The following LRRK1 variants were observed in gnomAD, a reference collection of about 807,000 sequenced individuals.
LRRK1 encodes the protein leucine rich repeat kinase 1.
A neutral mutation model predicts 209.1 loss-of-function variants in LRRK1; 113 were observed. That is an observed-to-expected ratio of 0.54 (90% CI 0.46 to 0.63). The LOEUF is 0.63. Ranked by LOEUF, LRRK1 falls within the 30% of genes least tolerant of loss-of-function variation. The pLI is 0.00. For synonymous variants in LRRK1, 1,144 were observed against 1,099.7 expected, an observed-to-expected ratio of 1.04 and a Z score of -0.80; for missense variants, 2,284 against 2,632.2, an observed-to-expected ratio of 0.87 and a Z score of 2.89.
At chr15:101,060,968 T>G (rs1311741929) in intron 29 of LRRK1, among the ~76,000 whole-genome samples, 3 of 152,182 alleles carry the variant, frequency 2.0e-5, no homozygotes, top group African/African-American at 7.2e-5. Context: ...CAGCCTTTCT[T>G]CTCTGGCGAA....
intron 3 of LRRK1, among the ~76,000 whole-genome samples, chr15:100,975,207 G>A (rs2031220798): frequency 6.6e-6 from 1 of 152,266 alleles, no homozygotes; most frequent in Non-Finnish European, 1.5e-5. Flanking sequence ...GCCTCAAGCA[G>A]GGAGGAGCTG....
rs61733309 is a variant in LRRK1 at position 101,068,810 on chromosome 15, C to T, written c.6010C>T (p.Leu2004=). Residue 2004 remains leucine, a synonymous_variant, in exon 34 of 34, where the codon CTG becomes TTG. Transcript: ENST00000388948. ...FDIFYQSYEE[L]GRLEACTRKR... ...CATTTTCTACCAGTCCTACGAGGAG[C>T]TGGGCCGGCTGGAGGCTTGCACTCG... 1.6e-5 allele frequency: 25 copies of T among 1,610,366 alleles called. No individual in the cohort carries two copies. The African/African-American group carries it at 2.9e-4, about 19-fold the overall frequency.
chr15:100,938,894 C>A (rs2042351751), intron 2 of LRRK1, among the ~76,000 whole-genome samples: 1 of 151,896 alleles, frequency 6.6e-6, no homozygotes, highest in African/African-American at 2.4e-5. Context: ...GAGTTTGGGA[C>A]CAACCTGACT....
chr15:100,950,831 C>T lies in LRRK1; in HGVS notation c.98-22973C>T, dbSNP rs191882029. Among the ~76,000 whole-genome samples the T allele has an allele frequency of 5.9e-3, 894 of 152,208 alleles. 8 individuals carry two copies. The highest frequency in any genetic ancestry group is 8.7e-3 in the Non-Finnish European group (595 of 68,002). On this transcript the variant is annotated intron_variant, in intron 2 of 33. Coordinates refer to ENST00000388948, the MANE Select transcript of LRRK1 (RefSeq NM_024652.6). ...AATTTAAAAAAGAGCAGGCCGGGCG[C>T]GGTGGCTCGCGCCTGTCATCCCAGC...
At chr15:101,053,488 C>CG (rs1387736570) in intron 26 of LRRK1, 68 bp downstream of exon 26, 17 of 1,382,266 alleles carry the variant, frequency 1.2e-5, no homozygotes, top group East Asian at 1.0e-4. Context: ...CTGCCTGGCA[C>CG]GGGGGGTAGA....
intron 2 of LRRK1, among the ~76,000 whole-genome samples, chr15:100,940,394 T>C (rs2042378269): frequency 6.6e-6 from 1 of 152,220 alleles, no homozygotes; most frequent in Non-Finnish European, 1.5e-5. Context: ...AAACTCTCAT[T>C]AGACACATTT....
In LRRK1 at chr15:101,027,339, C is replaced by T. The variant is rs149998498; in HGVS notation, c.2484C>T (p.Asp828=). Residue 828 remains aspartate (D), a synonymous_variant, in exon 18 of 34, where the codon GAC becomes GAT. Coordinates refer to ENST00000388948, the MANE Select transcript of LRRK1 (RefSeq NM_024652.6). This position sits in a 1 kb window ranked among gnomAD's most constrained non-coding sequence, Gnocchi z 5.1. ...TCCACGTCACGTGCAGCATGAAGGA[C>T]GTGGGCAGCACCATCGGCTGCCAGC... ...LIFHVTCSMK[D]VGSTIGCQRL... 3.3e-3 allele frequency: 5,379 copies of T among 1,614,030 alleles called. 9 individuals are homozygous for T. The highest frequency in any genetic ancestry group is 3.7e-3 in the Non-Finnish European group (4,337 of 1,180,012).
At chr15:101,050,379 G>GTTT (rs2035345336) in intron 23 of LRRK1, among the ~76,000 whole-genome samples, 3 of 152,174 alleles carry the variant, frequency 2.0e-5, no homozygotes, top group Non-Finnish European at 4.4e-5. Context: ...TTTTGCTCCT[G>GTTT]GGGTGGAGAC....
intron 2 of LRRK1, among the ~76,000 whole-genome samples, chr15:100,962,813 ATATATATATAT>A (rs1372579091): frequency 3.5e-5 from 1 of 28,784 alleles, no homozygotes; most frequent in African/African-American, 1.1e-4. Flanking sequence ...ATATATATAT[ATATATATATAT>A]TTTTTTTTTT....
intron 2 of LRRK1, among the ~76,000 whole-genome samples, chr15:100,968,633 C>CTTTA (rs2030634135): frequency 6.6e-6 from 1 of 152,130 alleles, no homozygotes; most frequent in African/African-American, 2.4e-5. Flanking sequence ...TGCCCTCTCT[C>CTTTA]TTTCTTTCTT....
Position 101,075,208 on chromosome 15 carries a change from C to T in LRRK1, c.*6360C>T, listed in dbSNP as rs28811341. 4.9e-3 allele frequency: 202 copies of T among 41,378 alleles called. 64 individuals carry two copies. The highest frequency in any genetic ancestry group is 9.0e-3 in the East Asian group (18 of 1,994). The allele number at this position is 41,378 out of a possible 1,614,324, so 2.6% of individuals were successfully genotyped here. A position where few individuals can be genotyped will look rare whatever the true frequency, so the allele number is the denominator to read the frequency against. On this transcript the variant is annotated 3_prime_UTR_variant, in exon 34 of 34. Transcript: ENST00000388948. ...GCGTATTGACAGCCAGGCTTCTAAACCTCTTAAAACTCCCCAACTCTGGTG... is the reference window on the plus strand; with the variant it reads ...GCGTATTGACAGCCAGGCTTCTAAATCTCTTAAAACTCCCCAACTCTGGTG...
chr15:101,047,726 C>T (rs1459000890), intron 21 of LRRK1, among the ~76,000 whole-genome samples: 1 of 152,230 alleles, frequency 6.6e-6, no homozygotes, highest in African/African-American at 2.4e-5. Context: ...CACTGGTAGT[C>T]AGCGCACAGG....
chr15:100,940,627 C>G (rs945056685), intron 2 of LRRK1, among the ~76,000 whole-genome samples: 1 of 152,194 alleles, frequency 6.6e-6, no homozygotes, highest in African/African-American at 2.4e-5. Flanking sequence ...ATGCTGCATC[C>G]TCCTGTTTCT....
At chr15:101,040,824 AATGTGTG>A (rs1294320518) in intron 20 of LRRK1, among the ~76,000 whole-genome samples, 1 of 152,252 alleles carries the variant, frequency 6.6e-6, no homozygotes, top group Non-Finnish European at 1.5e-5. Flanking sequence ...TTTATGGGCC[AATGTGTG>A]ATCTTTCCCA....
At chr15:101,030,632 G>T (rs1171199880) in intron 20 of LRRK1, among the ~76,000 whole-genome samples, 2 of 152,064 alleles carry the variant, frequency 1.3e-5, no homozygotes, top group African/African-American at 4.8e-5. Context: ...ATTCCTCCCT[G>T]TACCCCTGAC....
intron 6 of LRRK1, among the ~76,000 whole-genome samples, chr15:101,003,918 G>A (rs1299744182): frequency 6.6e-6 from 1 of 152,030 alleles, no homozygotes; most frequent in Non-Finnish European, 1.5e-5. Flanking sequence ...TGCAGCCCCA[G>A]AGCACCCCAG....
chr15:101,012,589 G>C (rs965303410), intron 10 of LRRK1, among the ~76,000 whole-genome samples: 1 of 152,192 alleles, frequency 6.6e-6, no homozygotes, highest in Non-Finnish European at 1.5e-5. Flanking sequence ...CCCAGAAGGG[G>C]CCCCATCAGG....
rs1447669595 is a variant in LRRK1 at position 101,054,987 on chromosome 15, A to G, written c.4096A>G (p.Ile1366Val). 1.2e-6 allele frequency: 2 copies of G among 1,613,692 alleles called. No homozygotes were observed. Among genetic ancestry groups the G allele is most frequent in the East Asian group, 4.5e-5 (2 of 44,880 alleles). Residue 1366 changes from isoleucine (I) to valine (V), a missense_variant, in exon 27 of 34, where the codon ATA becomes GTA. Coordinates refer to ENST00000388948, the MANE Select transcript of LRRK1 (RefSeq NM_024652.6). ...IPLGHMLTQK[I>V]AYQIASGLAY... ...CCTGGGACACATGCTCACCCAAAAA[A>G]TAGCCTACCAGATCGCCTCGGGCCT...
intron 20 of LRRK1, among the ~76,000 whole-genome samples, chr15:101,030,913 A>T (rs2034251635): frequency 6.7e-6 from 1 of 150,218 alleles, no homozygotes; most frequent in African/African-American, 2.5e-5. Flanking sequence ...CCCACCTCCC[A>T]CTCTCCCCCA....
Sources: allele counts gnomAD v4.1 joint callset (sites outside exome capture counted in the v4.1 genomes callset), GRCh38; gene constraint gnomAD v4.1.1; non-coding constraint Gnocchi (gnomAD v3.1); transcripts MANE v1.5; gene names NCBI Gene and HGNC (gene_info 2026-07-23, HGNC 2026-07-21).